CDKN2A: variants seen among roughly 807,000 people sequenced by gnomAD.
CDKN2A encodes the protein cyclin-dependent kinase inhibitor 2A.
A neutral mutation model predicts 11.1 loss-of-function variants in CDKN2A; 3 were observed. The observed-to-expected ratio is 0.27, with a 90% CI of 0.12 to 0.70. The LOEUF is 0.70. Ranked by LOEUF, CDKN2A falls within the 30% of genes least tolerant of loss-of-function variation. CDKN2A has a pLI of 0.77. For synonymous variants in CDKN2A, 122 were observed against 108.1 expected, an observed-to-expected ratio of 1.13 and a Z score of -0.80; for missense variants, 265 against 233.6, an observed-to-expected ratio of 1.13 and a Z score of -0.88.
chr9:21,984,856 T>C (rs991179820), intron 2 of CDKN2A, among the ~76,000 whole-genome samples: 23 of 152,110 alleles, frequency 1.5e-4, no homozygotes, highest in African/African-American at 4.8e-4. Flanking sequence ...CTTACTGTTA[T>C]GTTCAATTTT....
rs1820439048 is a variant in CDKN2A at position 21,991,895 on chromosome 9, G to C, written c.-4+1987C>G. 1 of 985,106 alleles carries C rather than the reference G, an allele frequency of 1.0e-6. No homozygotes were observed. Among genetic ancestry groups the C allele is most frequent in the African/African-American group, 1.7e-5 (1 of 57,196 alleles). The allele number at this position is 985,106 out of a possible 1,614,324, so 61.0% of individuals were successfully genotyped here. ...TAACTGCACAGTGCTTACCTTGAGA[G>C]GACTCTGTGCTATTAAAGAAAAAAA... On this transcript the variant is annotated intron_variant, in intron 2 of 3. Transcript: ENST00000494262. The surrounding 1 kb of genome is among the most constrained non-coding windows in gnomAD (Gnocchi z 5.2).
intron 2 of CDKN2A, chr9:21,989,364 T>A (rs866932977): frequency 6.6e-6 from 1 of 152,190 alleles, no homozygotes; most frequent in Non-Finnish European, 1.5e-5. Context: ...TACTTTTTTT[T>A]ATTCTAATCA....
In CDKN2A at chr9:21,971,040, G is replaced by A. The variant is rs1554654024; in HGVS notation, c.319C>T (p.Arg107Cys). 1.9e-6 allele frequency: 3 copies of A among 1,605,726 alleles called. No homozygotes were observed. The South Asian group carries it at 3.3e-5, about 18-fold the overall frequency. ...ACGGGCAGACGGCCCCAGGCATCGC[G>A]CACGTCCAGCCGCGCCCCGGCCCGG... ...LHRAGARLDV[R>C]DAWGRLPVDL... is the part of the protein sequence containing the mutation. Residue 107 changes from arginine (R) to cysteine (C), a missense_variant, in exon 2 of 3, where the codon CGC becomes TGC. By Grantham distance (180) the Arg-to-Cys change is radical. Coordinates refer to ENST00000304494, the MANE Select transcript of CDKN2A (RefSeq NM_000077.5).
intron 2 of CDKN2A, among the ~76,000 whole-genome samples, chr9:21,990,695 T>C (rs985819894): frequency 2.0e-5 from 3 of 150,174 alleles, no homozygotes; most frequent in African/African-American, 7.3e-5. Flanking sequence ...AACCTGACTT[T>C]ATAATGCAAT....
chr9:21,992,094 CAT>C, intron 2 of CDKN2A: 1 of 867,736 alleles, frequency 1.2e-6, no homozygotes, highest in East Asian at 1.2e-4. Flanking sequence ...TATTTCCAAT[CAT>C]ATAAAAATAA....
chr9:21,976,497 C>A (rs1308490009), upstream of CDKN2A, among the ~76,000 whole-genome samples: 1 of 152,114 alleles, frequency 6.6e-6, no homozygotes, highest in African/African-American at 2.4e-5. Flanking sequence ...AGGCGGATCA[C>A]CTGAGGCCAG....
Position 21,968,108 on chromosome 9 carries a change from T to C in CDKN2A, c.*121A>G. ...AGGCAGGACATTTTTAAAAGCTCTATTTTCTAAATGAAAACTACGAAAGCG... is the reference window on the plus strand; with the variant it reads ...AGGCAGGACATTTTTAAAAGCTCTACTTTCTAAATGAAAACTACGAAAGCG... On this transcript the variant is annotated 3_prime_UTR_variant, in exon 3 of 3. Coordinates refer to ENST00000304494, the MANE Select transcript of CDKN2A (RefSeq NM_000077.5). This position sits in a 1 kb window ranked among gnomAD's most constrained non-coding sequence, Gnocchi z 4.7. 1 of 878,762 alleles carries C rather than the reference T, an allele frequency of 1.1e-6. No homozygotes were observed. Among genetic ancestry groups the C allele is most frequent in the East Asian group, 2.4e-5 (1 of 41,514 alleles). 54.4% of individuals were successfully genotyped at this position (878,762 alleles called of 1,614,324 possible). A position where few individuals can be genotyped will look rare whatever the true frequency, so the allele number is the denominator to read the frequency against.
Position 21,968,321 on chromosome 9 carries a change from C to T in CDKN2A, c.458-79G>A, listed in dbSNP as rs975237817. On this transcript the variant is annotated intron_variant, in intron 2 of 2. Coordinates refer to ENST00000304494, the MANE Select transcript of CDKN2A (RefSeq NM_000077.5). This position sits in a 1 kb window ranked among gnomAD's most constrained non-coding sequence, Gnocchi z 4.7. The stretch of plus-strand genomic sequence containing the variant: ...GGCACATCCCGCCCTCCTCTCTTGC[C>T]GTCCCTACCGGCATTGAAATACTTA... 1.3e-5 allele frequency: 21 copies of T among 1,567,470 alleles called. No homozygotes were observed. In the South Asian group the frequency reaches 2.0e-4, roughly 15 times the overall value.
intron 1 of CDKN2A, 151 bp from the exon 2 acceptor site, chr9:21,971,359 T>G: frequency 6.7e-7 from 1 of 1,493,170 alleles, no homozygotes; most frequent in Non-Finnish European, 8.9e-7. Context: ...TCCAATTTCC[T>G]TCTTGAGTTC....
intron 1 of CDKN2A, among the ~76,000 whole-genome samples, chr9:21,971,574 G>GTTTTTTTTTTTTTTTTTTTTTTTT (rs1172457321): frequency 1.8e-5 from 1 of 54,084 alleles, no homozygotes; most frequent in African/African-American, 1.6e-4. Context: ...TAGGCCTGGA[G>GTTTTTTTTTTTTTTTTTTTTTTTT]ATTTTTTTTT....
At chr9:21,983,025 T>C (rs1266021486) in intron 2 of CDKN2A, among the ~76,000 whole-genome samples, 1 of 152,150 alleles carries the variant, frequency 6.6e-6, no homozygotes, top group Non-Finnish European at 1.5e-5. Flanking sequence ...CATCAATGCT[T>C]CCTTTTCTTT....
chr9:21,970,655 G>A, intron 2 of CDKN2A: 1 of 613,596 alleles, frequency 1.6e-6, no homozygotes, highest in East Asian at 2.7e-5. Flanking sequence ...TTGGGTGGTG[G>A]TATGCTTTGG....
At chr9:21,990,137 ACTAGAG>A (rs894017504) in intron 2 of CDKN2A, among the ~76,000 whole-genome samples, 4 of 151,912 alleles carry the variant, frequency 2.6e-5, no homozygotes, top group Admixed American at 2.6e-4. Context: ...ATTGGAGGGG[ACTAGAG>A]TGTGCTTGTG....
At chr9:21,984,652 G>A (rs752625819) in intron 2 of CDKN2A, among the ~76,000 whole-genome samples, 8 of 151,900 alleles carry the variant, frequency 5.3e-5, no homozygotes, top group African/African-American at 1.2e-4. Context: ...TAATGTATTC[G>A]GTTTTCACTA....
chr9:21,981,089 CGTGTATATATAT>C (rs1820180200), intron 2 of CDKN2A, among the ~76,000 whole-genome samples: 2 of 24,132 alleles, frequency 8.3e-5, no homozygotes, highest in East Asian at 9.2e-4. Flanking sequence ...TATATATATA[CGTGTATATATAT>C]ACGTGTATAT....
At chr9:21,994,583 G>A in intron 1 of CDKN2A, 2 of 897,126 alleles carry the variant, frequency 2.2e-6, no homozygotes, top group Non-Finnish European at 1.5e-6. Context: ...CCCTGCGCAC[G>A]CGGGAAGGGC....
chr9:21,967,964 T>TC lies in CDKN2A; in HGVS notation c.*264dup, dbSNP rs1023973077. 2 of 504,548 alleles carry TC rather than the reference T, an allele frequency of 4.0e-6. No homozygotes were observed. Among genetic ancestry groups the TC allele is most frequent in the African/African-American group, 3.8e-5 (2 of 52,516 alleles). The allele number at this position is 504,548 out of a possible 1,614,324, so 31.3% of individuals were successfully genotyped here. ...GGCGTGAGTGCTCACTCCAGAAAAC[T>TC]CCAACACAGTGAAAAGGCAGAAGCG... On this transcript the variant is annotated 3_prime_UTR_variant, in exon 3 of 3. Transcript: ENST00000304494.
rs1014358179 is a variant in CDKN2A at position 21,994,180 on chromosome 9, C to G, written c.-175-127G>C. On this transcript the variant is annotated intron_variant, in intron 1 of 3. Coordinates refer to the CDKN2A transcript ENST00000494262. ...CGGCTGCTGCCCTAGACGCTGGCTCCTCAGTAGCATCAGCACGAGGGCCAC... is the reference window on the plus strand; with the variant it reads ...CGGCTGCTGCCCTAGACGCTGGCTCGTCAGTAGCATCAGCACGAGGGCCAC... 7 of 1,605,140 alleles carry G rather than the reference C, an allele frequency of 4.4e-6. No individual in the cohort carries two copies. The African/African-American group carries it at 9.3e-5, about 21-fold the overall frequency.
At chr9:21,994,608 G>T (rs1202614362) in intron 1 of CDKN2A, 6 of 591,104 alleles carry the variant, frequency 1.0e-5, no homozygotes, top group Non-Finnish European at 1.5e-5. Context: ...GGAGGCGCCC[G>T]TAGGGAGGCG....
Sources: gnomAD v4.1 joint callset for allele counts (sites outside exome capture counted in the v4.1 genomes callset) on GRCh38, gnomAD v4.1.1 for gene constraint, Gnocchi (gnomAD v3.1) non-coding constraint, MANE v1.5 for transcripts, NCBI Gene and HGNC (gene_info 2026-07-23, HGNC 2026-07-21) for gene names.